Variants in POU2F3 observed in about 807,000 individuals in gnomAD.
POU2F3 encodes the protein POU domain, class 2, transcription factor 3.
POU2F3 carries 23 observed loss-of-function variants against 59.2 expected under a neutral mutation model. That is an observed-to-expected ratio of 0.39 (90% CI 0.28 to 0.55). POU2F3 has a LOEUF of 0.55. POU2F3 is among the 20% of genes least tolerant of loss of function. The pLI, the probability that POU2F3 is intolerant of heterozygous loss-of-function variation, is 0.66. For missense variants in POU2F3, 473 were observed against 544.5 expected, an observed-to-expected ratio of 0.87 and a Z score of 1.31; for synonymous variants, 190 against 214.6, an observed-to-expected ratio of 0.89 and a Z score of 1.00.
intron 9 of POU2F3, 115 bp downstream of exon 9, chr11:120,307,730 A>G: frequency 2.9e-6 from 4 of 1,371,426 alleles, no homozygotes; most frequent in Non-Finnish European, 4.0e-6. Context: ...GCTCTGGGAC[A>G]CGATCAGAAA....
chr11:120,246,606 G>A, intron 2 of POU2F3, 89 bp downstream of exon 2: 2 of 1,420,522 alleles, frequency 1.4e-6, no homozygotes, highest in Non-Finnish European at 2.0e-6. Context: ...TTCTTGCTTG[G>A]TCTTTCAGCC....
chr11:120,307,432 A>T (rs1315822319), intron 8 of POU2F3, 47 bp from the exon 9 acceptor site: 2 of 1,603,466 alleles, frequency 1.2e-6, no homozygotes, highest in African/African-American at 2.7e-5. Flanking sequence ...GGCACCGGCC[A>T]CTCATCCCCT....
chr11:120,246,955 A>T (rs1379559308), intron 2 of POU2F3, among the ~76,000 whole-genome samples: 1 of 152,166 alleles, frequency 6.6e-6, no homozygotes, highest in African/African-American at 2.4e-5. Flanking sequence ...TGTGGGTGGC[A>T]AATAGGCTCA....
chr11:120,271,816 A>G (rs7119027), intron 3 of POU2F3, among the ~76,000 whole-genome samples: 74,410 of 152,020 alleles, frequency 0.49, 22,575 homozygotes, highest in East Asian at 1. Context: ...TTGTGGGGTG[A>G]GTTGTCCCCT....
chr11:120,271,867 A>G (rs1940092641), intron 3 of POU2F3, among the ~76,000 whole-genome samples: 1 of 152,134 alleles, frequency 6.6e-6, no homozygotes, highest in African/African-American at 2.4e-5. Context: ...CACTGACAAG[A>G]ACAGACACGA....
At chr11:120,251,232 C>T (rs1939083151) in intron 2 of POU2F3, among the ~76,000 whole-genome samples, 1 of 152,190 alleles carries the variant, frequency 6.6e-6, no homozygotes, top group Non-Finnish European at 1.5e-5. Context: ...CCATGGCCTC[C>T]CAAAGTTCTG....
chr11:120,315,537 G>T, intron 11 of POU2F3, 110 bp downstream of exon 11: 1 of 1,029,070 alleles, frequency 9.7e-7, no homozygotes, highest in Non-Finnish European at 1.5e-6. Context: ...GCATTTCAAA[G>T]GATATTAAAA....
At chr11:120,241,062 A>G (rs1285188592) in intron 1 of POU2F3, among the ~76,000 whole-genome samples, 1 of 152,178 alleles carries the variant, frequency 6.6e-6, no homozygotes, top group East Asian at 1.9e-4. Flanking sequence ...CAGCCCCTCC[A>G]TTCACCTTGC....
At chr11:120,315,533 C>A in intron 11 of POU2F3, 106 bp downstream of exon 11, 2 of 1,045,814 alleles carry the variant, frequency 1.9e-6, no homozygotes, top group South Asian at 1.4e-5. Context: ...AAATGCATTT[C>A]AAAGGATATT....
Position 120,242,030 on chromosome 11 carries a change from C to A in POU2F3, c.28+1659C>A, listed in dbSNP as rs570834206. Among the ~76,000 whole-genome samples the A allele has an allele frequency of 3.9e-4, 60 of 152,284 alleles. 2 individuals are homozygous for A. The South Asian group carries it at 0.011, about 28-fold the overall frequency. On this transcript the variant is annotated intron_variant, in intron 1 of 12. Coordinates refer to ENST00000543440, the MANE Select transcript of POU2F3 (RefSeq NM_014352.4). ...ACACATGGGGGGAGACTGAGCTAAA[C>A]CCCAGGTGGGGTGATTCCTCAGGGC...
chr11:120,245,262 A>G (rs1404212872), intron 1 of POU2F3, among the ~76,000 whole-genome samples: 3 of 151,918 alleles, frequency 2.0e-5, no homozygotes, highest in Non-Finnish European at 2.9e-5. Context: ...CACACATGAA[A>G]AAGTAGGTTT....
intron 2 of POU2F3, chr11:120,253,719 A>G (rs1939215742): frequency 6.6e-6 from 1 of 152,252 alleles, no homozygotes; most frequent in African/African-American, 2.4e-5. Flanking sequence ...ACATAAGACA[A>G]TGGTAGCTGT....
intron 11 of POU2F3, among the ~76,000 whole-genome samples, chr11:120,315,799 G>T (rs182133868): frequency 6.6e-6 from 1 of 151,848 alleles, no homozygotes; most frequent in African/African-American, 2.4e-5. Flanking sequence ...CATGCCCAAG[G>T]GTGGCCAGGA....
chr11:120,262,503 G>A (rs1452107360), intron 2 of POU2F3, among the ~76,000 whole-genome samples: 1 of 152,042 alleles, frequency 6.6e-6, no homozygotes, highest in Non-Finnish European at 1.5e-5. Context: ...CCTAAATAAG[G>A]GAATATGCAT....
intron 1 of POU2F3, 67 bp downstream of exon 1, chr11:120,240,438 C>A: frequency 1.5e-6 from 2 of 1,305,802 alleles, no homozygotes; most frequent in Non-Finnish European, 2.0e-6. Context: ...AGGAGAGGGA[C>A]AACGTTCTGG....
Position 120,302,315 on chromosome 11 carries a change from C to T in POU2F3, c.391C>T (p.Gln131Ter), listed in dbSNP as rs1941369668. The T allele has an allele frequency of 6.2e-7, 1 of 1,612,938 alleles. No individual in the cohort carries two copies. Among genetic ancestry groups the T allele is most frequent in the Non-Finnish European group, 8.5e-7 (1 of 1,179,110 alleles). The change falls in exon 6 of 13, where the codon CAG becomes TAG. Residue 131 changes from glutamine to a stop codon, truncating the protein, a stop_gained. Transcript: ENST00000543440. LOFTEE classifies it high-confidence loss of function. ...GLQPNLLPFP[Q>*]QQSGLLLPQT... ...GCAGCCAAATCTCCTCCCCTTTCCA[C>T]AGCAACAAAGCGGTCTCCTCCTCCC...
chr11:120,264,799 A>G (rs1939758180), intron 2 of POU2F3, among the ~76,000 whole-genome samples: 1 of 152,224 alleles, frequency 6.6e-6, no homozygotes, highest in African/African-American at 2.4e-5. Context: ...CTTCCAGTCC[A>G]GGACTCTTTC....
Sources: allele counts gnomAD v4.1 joint callset (sites outside exome capture counted in the v4.1 genomes callset), GRCh38; gene constraint gnomAD v4.1.1; transcripts MANE v1.5; gene names NCBI Gene and HGNC (gene_info 2026-07-23, HGNC 2026-07-21).